Variants in GABBR2 observed in about 807,000 individuals in gnomAD.
The protein encoded by GABBR2 is gamma-aminobutyric acid type B receptor subunit 2.
Under a neutral mutation model 105.6 loss-of-function variants are expected in GABBR2, and 23 were observed. The observed-to-expected ratio is 0.22, with a 90% CI of 0.16 to 0.31. GABBR2 has a LOEUF of 0.31. GABBR2 is among the 10% of genes least tolerant of loss of function. The pLI, the probability that GABBR2 is intolerant of heterozygous loss-of-function variation, is 1.00. For missense variants in GABBR2, 734 were observed against 1,245.5 expected (o/e 0.59, Z 6.18); for synonymous variants, 478 against 499.7 (o/e 0.96, Z 0.58).
chr9:98,464,642 G>C (rs549645469), intron 6 of GABBR2, among the ~76,000 whole-genome samples: 4 of 152,144 alleles, frequency 2.6e-5, no homozygotes, highest in African/African-American at 9.7e-5. Context: ...ATCGAGAATG[G>C]GCCATGATGA....
chr9:98,656,901 G>A (rs1830191867), intron 1 of GABBR2, among the ~76,000 whole-genome samples: 1 of 152,226 alleles, frequency 6.6e-6, no homozygotes, highest in Non-Finnish European at 1.5e-5. Flanking sequence ...CAGCTGGGTA[G>A]GGGTGCTGGC....
intron 1 of GABBR2, among the ~76,000 whole-genome samples, chr9:98,666,864 A>C (rs928794425): frequency 2.6e-5 from 4 of 152,144 alleles, no homozygotes; most frequent in Non-Finnish European, 4.4e-5. Flanking sequence ...AGCAGACCAG[A>C]AGAGGAGCCA....
intron 1 of GABBR2, among the ~76,000 whole-genome samples, chr9:98,672,676 C>A (rs1050670136): frequency 6.6e-6 from 1 of 152,208 alleles, no homozygotes; most frequent in African/African-American, 2.4e-5. Context: ...GAGATAAGGG[C>A]CTTTCATCTG....
At chr9:98,484,489 AAG>A (rs1412520763) in intron 4 of GABBR2, among the ~76,000 whole-genome samples, 1 of 152,214 alleles carries the variant, frequency 6.6e-6, no homozygotes, top group East Asian at 1.9e-4. Context: ...GACGGTGAGA[AAG>A]AGGGGGAAAG....
At chr9:98,336,399 C>A (rs1205491082) in intron 13 of GABBR2, among the ~76,000 whole-genome samples, 1 of 152,110 alleles carries the variant, frequency 6.6e-6, no homozygotes, top group Non-Finnish European at 1.5e-5. Flanking sequence ...TAGTAAGATA[C>A]GTCGTGCGTT....
chr9:98,385,890 A>G (rs1372563207), intron 10 of GABBR2, 118 bp from the exon 11 acceptor site: 2 of 777,546 alleles, frequency 2.6e-6, no homozygotes, highest in African/African-American at 1.8e-5. Context: ...GGGGAGAGAG[A>G]GAAACAGAAA....
At chr9:98,661,557 T>C (rs1830264195) in intron 1 of GABBR2, among the ~76,000 whole-genome samples, 2 of 151,962 alleles carry the variant, frequency 1.3e-5, no homozygotes, top group Admixed American at 1.3e-4. Context: ...CATACCACCA[T>C]GCCCAGCTAA....
At chr9:98,315,985 T>C (rs901795526) in intron 13 of GABBR2, among the ~76,000 whole-genome samples, 1 of 152,238 alleles carries the variant, frequency 6.6e-6, no homozygotes, top group Non-Finnish European at 1.5e-5. Flanking sequence ...CAGTGTGGAC[T>C]GTCCACGCAG....
chr9:98,532,956 G>C (rs180687697), intron 3 of GABBR2, among the ~76,000 whole-genome samples: 1 of 152,164 alleles, frequency 6.6e-6, no homozygotes, highest in Admixed American at 6.5e-5. Context: ...CACGTGGCAG[G>C]TTCCTGGGGA....
rs117158270 is a variant in GABBR2, at chr9:98,428,363, G to A, written c.1237-22222C>T. ...GAGGGGCACAGGTATTTCAGGAGAC[G>A]CAGCTCCAAAGCAGGGAGGAAGGCA... On this transcript the variant is annotated intron_variant, in intron 7 of 18. Coordinates refer to ENST00000259455, the MANE Select transcript of GABBR2 (RefSeq NM_005458.8). Among the ~76,000 whole-genome samples, 824 of 152,256 alleles carry A rather than the reference G, an allele frequency of 5.4e-3. 6 individuals carry two copies. Among genetic ancestry groups the A allele is most frequent in the Non-Finnish European group, 9.5e-3 (644 of 68,010 alleles).
intron 2 of GABBR2, among the ~76,000 whole-genome samples, chr9:98,556,567 C>G (rs1252490541): frequency 1.3e-5 from 2 of 151,952 alleles, no homozygotes; most frequent in African/African-American, 4.8e-5. Context: ...GTGGCTGGGG[C>G]GGGGCTGGGG....
intron 7 of GABBR2, among the ~76,000 whole-genome samples, chr9:98,427,279 C>T (rs1282721586): frequency 6.6e-6 from 1 of 152,210 alleles, no homozygotes; most frequent in Non-Finnish European, 1.5e-5. Context: ...CCTCCCACCT[C>T]TGGCCTGGGC....
intron 18 of GABBR2, 61 bp downstream of exon 18, chr9:98,293,724 C>A: frequency 1.1e-6 from 1 of 924,114 alleles, no homozygotes; most frequent in South Asian, 1.5e-5. Context: ...AAATTGCAAA[C>A]TCTTGTGCAG....
intron 6 of GABBR2, among the ~76,000 whole-genome samples, chr9:98,463,631 C>T (rs897571853): frequency 1.4e-4 from 22 of 152,058 alleles, no homozygotes; most frequent in African/African-American, 2.4e-4. Context: ...CTCTCCGTCT[C>T]GCTCTCGCTC....
intron 3 of GABBR2, among the ~76,000 whole-genome samples, chr9:98,532,146 C>CA (rs1332489418): frequency 1.3e-5 from 2 of 152,156 alleles, no homozygotes; most frequent in Non-Finnish European, 2.9e-5. Flanking sequence ...TAAGATTGTA[C>CA]AAAAATCATA....
chr9:98,626,606 C>A (rs909192056), intron 1 of GABBR2, among the ~76,000 whole-genome samples: 8 of 152,092 alleles, frequency 5.3e-5, no homozygotes, highest in African/African-American at 1.9e-4. Flanking sequence ...GATAACAATA[C>A]TTATATCTCT....
At chr9:98,400,021 A>AC (rs1212759247) in intron 8 of GABBR2, among the ~76,000 whole-genome samples, 1 of 142,868 alleles carries the variant, frequency 7.0e-6, no homozygotes, top group Non-Finnish European at 1.5e-5. Flanking sequence ...CCATGAAAAA[A>AC]AAAAAAAAAA....
intron 9 of GABBR2, among the ~76,000 whole-genome samples, chr9:98,392,762 A>C (rs1451879771): frequency 2.0e-5 from 3 of 152,120 alleles, no homozygotes; most frequent in Non-Finnish European, 4.4e-5. Flanking sequence ...AGCTTTCTCT[A>C]TTGCTATTAA....
rs760719727 is a variant in GABBR2, at chr9:98,454,109, G to T, written c.1108C>A (p.Gln370Lys). The T allele has an allele frequency of 9.3e-6, 15 of 1,614,066 alleles. No individual in the cohort carries two copies. The highest frequency in any genetic ancestry group is 1.3e-5 in the Non-Finnish European group (15 of 1,179,928). Residue 370 changes from glutamine to lysine, a missense_variant, in exon 7 of 19, where the codon CAG becomes AAG. Gln to Lys is a moderately conservative substitution (Grantham distance 53, BLOSUM62 1). Transcript: ENST00000259455. This position sits in a 1 kb window ranked among gnomAD's most constrained non-coding sequence, Gnocchi z 4.6. ...GCATGCAGTGTCTCCATGGCCCTCT[G>T]CAGTGTCTTGGCGATGACCCAGATG... is the stretch of plus-strand genomic sequence containing the variant. ...DGIWVIAKTLQRAMETLHASS... is the reference protein window; with the variant it reads ...DGIWVIAKTLKRAMETLHASS...
Sources: allele counts gnomAD v4.1 joint callset (sites outside exome capture counted in the v4.1 genomes callset), GRCh38; gene constraint gnomAD v4.1.1; non-coding constraint Gnocchi (gnomAD v3.1); transcripts MANE v1.5; gene names NCBI Gene and HGNC (gene_info 2026-07-23, HGNC 2026-07-21).